Variants in NELL1 observed in about 807,000 individuals in gnomAD.
NELL1 encodes protein kinase C-binding protein NELL1.
In NELL1, 76 loss-of-function variants were observed where a neutral mutation model predicts 107.4. The observed-to-expected ratio is 0.71, with a 90% CI of 0.59 to 0.86. NELL1 has a LOEUF of 0.86. Among genes scored for constraint, NELL1 ranks in the 40% least tolerant of loss-of-function variants. The pLI, the probability that NELL1 is intolerant of heterozygous loss-of-function variation, is 0.00. For missense variants in NELL1, 1,024 were observed against 1,005.5 expected (o/e 1.02, Z -0.25); for synonymous variants, 353 against 341.2 (o/e 1.03, Z -0.38).
intron 15 of NELL1, among the ~76,000 whole-genome samples, chr11:21,401,023 T>A (rs947137960): frequency 2.3e-4 from 35 of 151,940 alleles, no homozygotes; most frequent in African/African-American, 7.0e-4. Context: ...TGTATTTGAA[T>A]GTCACAGAGC....
chr11:20,706,120 G>T (rs1159803287), intron 2 of NELL1, among the ~76,000 whole-genome samples: 1 of 152,162 alleles, frequency 6.6e-6, no homozygotes, highest in Non-Finnish European at 1.5e-5. Context: ...ATTCCTCAAG[G>T]ATCTAGAACT....
At chr11:20,812,125 T>G (rs985166404) in intron 3 of NELL1, among the ~76,000 whole-genome samples, 1 of 152,148 alleles carries the variant, frequency 6.6e-6, no homozygotes, top group African/African-American at 2.4e-5. Flanking sequence ...ATACCTAATT[T>G]GTTGAGAATT....
intron 12 of NELL1, among the ~76,000 whole-genome samples, chr11:21,029,158 C>T (rs569160986): frequency 1.3e-5 from 2 of 152,034 alleles, no homozygotes; most frequent in South Asian, 2.1e-4. Context: ...ATACTTTAAT[C>T]GTATTCATTA....
chr11:20,704,762 G>T, intron 2 of NELL1, among the ~76,000 whole-genome samples: 1 of 152,216 alleles, frequency 6.6e-6, no homozygotes, highest in South Asian at 2.1e-4. Flanking sequence ...CTTCACTTAC[G>T]AAGCTTAGTT....
At chr11:20,684,920 C>T (rs932469952) in intron 2 of NELL1, among the ~76,000 whole-genome samples, 2 of 152,018 alleles carry the variant, frequency 1.3e-5, no homozygotes, top group Admixed American at 6.6e-5. Flanking sequence ...TTCTGGCCCT[C>T]GTGTATGCTG....
At chr11:21,082,474 C>A (rs1894054) in intron 12 of NELL1, among the ~76,000 whole-genome samples, 82,642 of 151,904 alleles carry the variant, frequency 0.54, 23,744 homozygotes, top group African/African-American at 0.73. Context: ...TTTCCCATGA[C>A]GATCTGCATA....
At chr11:21,231,765 A>G (rs1858056811) in intron 14 of NELL1, among the ~76,000 whole-genome samples, 1 of 152,218 alleles carries the variant, frequency 6.6e-6, no homozygotes, top group South Asian at 2.1e-4. Context: ...GAGGGGAAAC[A>G]TATCTTCCCT....
At chr11:21,489,186 G>A (rs1451350494) in intron 15 of NELL1, among the ~76,000 whole-genome samples, 3 of 151,462 alleles carry the variant, frequency 2.0e-5, no homozygotes, top group Admixed American at 2.0e-4. Context: ...TAGAGGAAAT[G>A]GATAAATTCC....
chr11:20,742,845 C>A (rs1855921493), intron 2 of NELL1, among the ~76,000 whole-genome samples: 2 of 152,118 alleles, frequency 1.3e-5, no homozygotes, highest in South Asian at 4.2e-4. Flanking sequence ...ATATCCCTAA[C>A]CCATAGCAGT....
intron 7 of NELL1, among the ~76,000 whole-genome samples, chr11:20,923,427 G>T (rs541293501): frequency 6.6e-6 from 1 of 152,224 alleles, no homozygotes; most frequent in East Asian, 1.9e-4. Flanking sequence ...TTTTTTTAAG[G>T]CAGAGAAGAG....
At chr11:20,987,634 A>C (rs1851880008) in intron 12 of NELL1, among the ~76,000 whole-genome samples, 1 of 152,176 alleles carries the variant, frequency 6.6e-6, no homozygotes, top group African/African-American at 2.4e-5. Flanking sequence ...CCGATGATTC[A>C]ATTACCTCCC....
intron 15 of NELL1, among the ~76,000 whole-genome samples, chr11:21,505,210 G>A (rs958265375): frequency 1.3e-5 from 2 of 152,080 alleles, no homozygotes; most frequent in African/African-American, 2.4e-5. Flanking sequence ...ATGTTCCCAA[G>A]ATAGTGCCTC....
intron 15 of NELL1, among the ~76,000 whole-genome samples, chr11:21,512,890 A>G (rs1855473918): frequency 6.6e-6 from 1 of 152,206 alleles, no homozygotes; most frequent in Non-Finnish European, 1.5e-5. Flanking sequence ...ATTACCGCCA[A>G]TGCTTGAACA....
chr11:21,008,089 T>C (rs1037644674), intron 12 of NELL1, among the ~76,000 whole-genome samples: 1 of 152,130 alleles, frequency 6.6e-6, no homozygotes, highest in African/African-American at 2.4e-5. Flanking sequence ...AACTACTTGG[T>C]AAAAGAGGTT....
intron 15 of NELL1, 25 bp downstream of exon 15, chr11:21,370,973 A>G (rs755709651): frequency 1.3e-6 from 2 of 1,521,472 alleles, no homozygotes; most frequent in South Asian, 2.3e-5. Flanking sequence ...TTTATGGGGG[A>G]TAGGGACAAA....
intron 2 of NELL1, among the ~76,000 whole-genome samples, chr11:20,720,082 TC>T (rs1406545658): frequency 6.6e-6 from 1 of 152,226 alleles, no homozygotes; most frequent in Admixed American, 6.5e-5. Flanking sequence ...AAAGCCTTTT[TC>T]AGGTTTATCT....
intron 13 of NELL1, among the ~76,000 whole-genome samples, chr11:21,179,862 C>CTTTATTTTT (rs1856791512): frequency 1.3e-5 from 1 of 75,710 alleles, no homozygotes; most frequent in African/African-American, 5.7e-5. Flanking sequence ...AATCAACACA[C>CTTTATTTTT]TTTTTTTTTT....
chr11:20,865,444 C>G (rs1455038767), intron 4 of NELL1, among the ~76,000 whole-genome samples: 1 of 152,194 alleles, frequency 6.6e-6, no homozygotes, highest in Non-Finnish European at 1.5e-5. Flanking sequence ...GGAGTCTGAG[C>G]TGAGTATCTT....
At chr11:21,358,975 T>G (rs1851010009) in intron 14 of NELL1, among the ~76,000 whole-genome samples, 1 of 152,146 alleles carries the variant, frequency 6.6e-6, no homozygotes, top group Non-Finnish European at 1.5e-5. Flanking sequence ...TATTTCTTTC[T>G]CTTGTTTGAT....
Sources: gnomAD v4.1 joint callset for allele counts (sites outside exome capture counted in the v4.1 genomes callset) on GRCh38, gnomAD v4.1.1 for gene constraint, MANE v1.5 for transcripts, NCBI Gene and HGNC (gene_info 2026-07-23, HGNC 2026-07-21) for gene names.